Variants in ABCB5 observed in about 807,000 individuals in gnomAD.
ABCB5 encodes the protein ATP binding cassette subfamily B member 5, also known as ATP-binding cassette sub-family B member 5.
Under a neutral mutation model 144.2 loss-of-function variants are expected in ABCB5, and 155 were observed. That is an observed-to-expected ratio of 1.08 (90% CI 0.94 to 1.23). The LOEUF is 1.23. Ranked by LOEUF, ABCB5 falls within the 50% of genes most tolerant of loss-of-function variation. The probability of loss-of-function intolerance (pLI) is 0.00; values close to 1 mark genes in which losing one functional copy is unlikely to be tolerated. For synonymous variants in ABCB5, 610 were observed against 528.6 expected (o/e 1.15, Z -2.11); for missense variants, 1,830 against 1,520.8 (o/e 1.20, Z -3.38).
Position 20,643,245 on chromosome 7 carries a change from T to G in ABCB5, c.376T>G (p.Ser126Ala), listed in dbSNP as rs757454697. ...AALIFGYIQI[S>A]LWIITAARQT... ...CTTGATTTTTGGTTACATACAGATT[T>G]CCTTGTGGATTATAACTGCAGCACG... Residue 126 changes from serine (S) to alanine (A), a missense_variant, in exon 6 of 28, where the codon TCC becomes GCC. Transcript: ENST00000404938. The G allele has an allele frequency of 6.2e-7, 1 of 1,613,742 alleles. No individual in the cohort carries two copies. Among genetic ancestry groups the G allele is most frequent in the Non-Finnish European group, 8.5e-7 (1 of 1,179,762 alleles).
Position 20,732,257 on chromosome 7 carries a change from C to T in ABCB5, c.2867+3802C>T, listed in dbSNP as rs986362860. On this transcript the variant is annotated intron_variant, in intron 23 of 27. Transcript: ENST00000404938. The stretch of plus-strand genomic sequence containing the variant: ...CCTTTTTCTTACCACTCAGGCTTCC[C>T]CTGCTAAGTCCACTCCTCAGAGGGA... 5.9e-5 allele frequency among the ~76,000 whole-genome samples: 9 copies of T among 152,296 alleles called. No homozygotes were observed. In the East Asian group the frequency reaches 1.7e-3, roughly 29 times the overall value.
Position 20,723,006 on chromosome 7 carries a change from C to T in ABCB5, c.2422-10C>T. 1 of 1,613,374 alleles carries T rather than the reference C, an allele frequency of 6.2e-7. No homozygotes were observed. Among genetic ancestry groups the T allele is most frequent in the Non-Finnish European group, 8.5e-7 (1 of 1,179,510 alleles). On this transcript the variant is annotated splice_polypyrimidine_tract_variant and intron_variant, in intron 20 of 27. Transcript: ENST00000404938. ...TTGAGTTTTTTCCCCCAAAATATGT[C>T]TGATTATAGGCAACAGGTTCCAGGA...
At chr7:20,656,088 T>A (rs1784782464) in intron 13 of ABCB5, among the ~76,000 whole-genome samples, 1 of 145,100 alleles carries the variant, frequency 6.9e-6, no homozygotes, top group African/African-American at 2.6e-5. Context: ...GTTATCCTTG[T>A]GGAAAAAATA....
At chr7:20,638,031 T>G (rs1159558210) in intron 5 of ABCB5, among the ~76,000 whole-genome samples, 4 of 152,222 alleles carry the variant, frequency 2.6e-5, no homozygotes, top group Non-Finnish European at 4.4e-5. Context: ...GATTACTAGA[T>G]GAATGTGGAG....
At position 20,726,446 on chromosome 7, in the gene ABCB5, A is replaced by G. The variant is rs541830752; in HGVS notation, c.2626-594A>G. Among the ~76,000 whole-genome samples, 68 of 134,974 alleles carry G rather than the reference A, an allele frequency of 5.0e-4. 1 individual carries two copies. The South Asian group carries it at 0.015, about 30-fold the overall frequency. The allele number at this position is 134,974 out of a possible 152,430, so 88.5% of individuals were successfully genotyped here. On this transcript the variant is annotated intron_variant, in intron 21 of 27. Coordinates refer to ENST00000404938, the MANE Select transcript of ABCB5 (RefSeq NM_001163941.2). ...GCAGTGGATGATCTCAGCTCACTGC[A>G]ACCTCCACCTCCCAGGTTCAAGTGA...
intron 9 of ABCB5, among the ~76,000 whole-genome samples, chr7:20,646,535 T>C (rs567079882): frequency 2.0e-5 from 3 of 152,362 alleles, no homozygotes; most frequent in East Asian, 1.9e-4. Context: ...AAATGGTCTG[T>C]AGAGTTTACA....
intron 9 of ABCB5, 34 bp downstream of exon 9, chr7:20,646,172 G>A (rs766313992): frequency 6.4e-7 from 1 of 1,573,798 alleles, no homozygotes; most frequent in South Asian, 1.2e-5. Context: ...TGTCAGGCCT[G>A]GATAATCTTT....
chr7:20,741,569 ATT>A (rs34221966), intron 24 of ABCB5, among the ~76,000 whole-genome samples: 2 of 151,348 alleles, frequency 1.3e-5, no homozygotes, highest in Non-Finnish European at 2.9e-5. Context: ...ATCCTTCCAG[ATT>A]TTTTTTTTCT....
chr7:20,739,001 A>G lies in ABCB5; in HGVS notation c.2886A>G (p.Ala962=), dbSNP rs749334943. 1 of 1,605,568 alleles carries G rather than the reference A, an allele frequency of 6.2e-7. No individual in the cohort carries two copies. Among genetic ancestry groups the G allele is most frequent in the Non-Finnish European group, 8.5e-7 (1 of 1,176,496 alleles). Residue 962 remains alanine, a synonymous_variant, in exon 24 of 28, where the codon GCA becomes GCG. Transcript: ENST00000404938. ...EGMFIVFTAI[A]YGAMAIGETL... ...TTGATAGAGTTTTTACTGCAATTGC[A>G]TATGGAGCTATGGCCATCGGAGAAA... is the stretch of plus-strand genomic sequence containing the variant.
At chr7:20,671,654 G>C (rs191103803) in intron 14 of ABCB5, among the ~76,000 whole-genome samples, 1 of 152,284 alleles carries the variant, frequency 6.6e-6, no homozygotes, top group Admixed American at 6.5e-5. Context: ...TCAATAGTTT[G>C]TTTCTTTTTA....
chr7:20,659,486 T>C (rs772571105), intron 14 of ABCB5: 1 of 1,049,930 alleles, frequency 9.5e-7, no homozygotes, highest in Non-Finnish European at 1.1e-6. Context: ...AAATGTCCAC[T>C]GCTTCTTGAA....
intron 11 of ABCB5, 61 bp downstream of exon 11, chr7:20,648,139 A>T (rs1230981648): frequency 1.9e-6 from 2 of 1,026,410 alleles, no homozygotes; most frequent in South Asian, 2.8e-5. Context: ...ACTGGCCAAG[A>T]TCTTCTCTGA....
chr7:20,647,691 A>G, intron 10 of ABCB5, 43 bp downstream of exon 10: 1 of 1,535,440 alleles, frequency 6.5e-7, no homozygotes, highest in Non-Finnish European at 8.7e-7. Context: ...TCATTACTGC[A>G]AGAAGGAGAC....
At chr7:20,676,492 G>A (rs188202410) in intron 14 of ABCB5, among the ~76,000 whole-genome samples, 14 of 152,240 alleles carry the variant, frequency 9.2e-5, no homozygotes, top group African/African-American at 1.7e-4. Context: ...TAAGCCAGTC[G>A]CAGAAGGACA....
intron 26 of ABCB5, among the ~76,000 whole-genome samples, chr7:20,746,314 G>A (rs1225776544): frequency 6.6e-6 from 1 of 152,132 alleles, no homozygotes; most frequent in African/African-American, 2.4e-5. Flanking sequence ...GGACAGGCTG[G>A]TCTCAAACTC....
In ABCB5 at chr7:20,643,592, C is replaced by T. The variant is rs373834815; in HGVS notation, c.638C>T (p.Thr213Met). The T allele has an allele frequency of 5.1e-5, 82 of 1,613,830 alleles. No individual in the cohort carries two copies. Among genetic ancestry groups the T allele is most frequent in the African/African-American group, 5.3e-5 (4 of 74,928 alleles). Residue 213 changes from threonine (T) to methionine (M), a missense_variant, in exon 7 of 28, where the codon ACG becomes ATG. Coordinates refer to ENST00000404938, the MANE Select transcript of ABCB5 (RefSeq NM_001163941.2). ...AAACTCACCCTAGTGACTCTATCCA[C>T]GTCTCCTCTTATAATGGCTTCAGCG... ...GWKLTLVTLS[T>M]SPLIMASAAA...
At chr7:20,725,968 A>C (rs1782022986) in intron 21 of ABCB5, among the ~76,000 whole-genome samples, 1 of 152,202 alleles carries the variant, frequency 6.6e-6, no homozygotes, top group Admixed American at 6.5e-5. Flanking sequence ...TCTTCAGAGA[A>C]GGCCAAGTGT....
At chr7:20,734,867 G>A (rs796624361) in intron 23 of ABCB5, among the ~76,000 whole-genome samples, 11 of 152,204 alleles carry the variant, frequency 7.2e-5, no homozygotes, top group African/African-American at 2.6e-4. Flanking sequence ...TGTTAGTCCT[G>A]GTAACACATT....
At chr7:20,697,382 G>T (rs1583432660) in intron 16 of ABCB5, among the ~76,000 whole-genome samples, 2 of 152,176 alleles carry the variant, frequency 1.3e-5, no homozygotes, top group South Asian at 4.1e-4. Flanking sequence ...ATTATTTTAA[G>T]AGTGAATGCC....
Sources: allele counts gnomAD v4.1 joint callset (sites outside exome capture counted in the v4.1 genomes callset), GRCh38; gene constraint gnomAD v4.1.1; transcripts MANE v1.5; gene names NCBI Gene and HGNC (gene_info 2026-07-23, HGNC 2026-07-21).